Variants in NLGN4Y observed in about 807,000 individuals in gnomAD.
NLGN4Y encodes the protein neuroligin-4, Y-linked.
NLGN4Y carries 4 observed loss-of-function variants against 8.4 expected under a neutral mutation model. The ratio of observed to expected loss-of-function variants is 0.48; its 90% CI spans 0.23 to 1.09. NLGN4Y has a LOEUF of 1.09. NLGN4Y is among the 50% of genes least tolerant of loss of function. The probability of loss-of-function intolerance (pLI) is 0.19; values close to 1 mark genes in which losing one functional copy is unlikely to be tolerated. For synonymous variants in NLGN4Y, 35 were observed against 75.6 expected (o/e 0.46, Z 2.78); for missense variants, 90 against 192.3 (o/e 0.47, Z 3.15).
At chrY:14,666,337 C>A in intron 2 of NLGN4Y, among the ~76,000 whole-genome samples, 1 of 33,491 alleles carries the variant, frequency 3.0e-5, no homozygotes, top group African/African-American at 1.2e-4. Context: ...CTGAGTCTAC[C>A]AAAGTGCTGG....
chrY:14,746,042 G>A lies in NLGN4Y; in HGVS notation c.685+22773G>A, dbSNP rs755614418. Among the ~76,000 whole-genome samples the A allele has an allele frequency of 4.3e-4, 14 of 32,824 alleles. No individual in the cohort carries two copies. The South Asian group carries it at 7.6e-3, about 18-fold the overall frequency. 88.1% of individuals were successfully genotyped at this position (32,824 alleles called of 37,273 possible). A position where few individuals can be genotyped will look rare whatever the true frequency, so the allele number is the denominator to read the frequency against. ...GACAACTAGTCAATAAGAAATGAGT[G>A]TGAAGGTGACAACTTTCCTCACTAA... On this transcript the variant is annotated intron_variant, in intron 4 of 6. Transcript: ENST00000684976.
chrY:14,825,812 C>T (rs2043143567), intron 5 of NLGN4Y, among the ~76,000 whole-genome samples: 1 of 32,790 alleles, frequency 3.0e-5, no homozygotes, highest in Non-Finnish European at 7.4e-5. Flanking sequence ...AAGGGGAAAC[C>T]GCAGAAACAC....
At chrY:14,621,535 G>A in intron 1 of NLGN4Y, among the ~76,000 whole-genome samples, 6 of 33,664 alleles carry the variant, frequency 1.8e-4, no homozygotes, top group Admixed American at 1.6e-3. Flanking sequence ...ATTAAGAAAA[G>A]TGATGGACAC....
chrY:14,566,308 A>C, intron 1 of NLGN4Y, among the ~76,000 whole-genome samples: 1 of 33,100 alleles, frequency 3.0e-5, no homozygotes, highest in East Asian at 7.9e-4. Context: ...ATAGGCTCAA[A>C]ATAAAGGGAT....
Position 14,841,440 on chromosome Y carries a change from A to G in NLGN4Y, c.*178A>G. 5.5e-6 allele frequency: 1 copy of G among 182,224 alleles called. No individual in the cohort carries two copies. The allele number at this position is 182,224 out of a possible 400,897, so 45.5% of individuals were successfully genotyped here. A position where few individuals can be genotyped will look rare whatever the true frequency, so the allele number is the denominator to read the frequency against. The stretch of plus-strand genomic sequence containing the variant: ...ACCCTTCTCATTGGCATTTTCCAGT[A>G]TTGTGAGATCAATTTCTGACCATAT... On this transcript the variant is annotated 3_prime_UTR_variant, in exon 7 of 7. Transcript: ENST00000684976.
At chrY:14,631,157 C>G in intron 2 of NLGN4Y, among the ~76,000 whole-genome samples, 1 of 32,843 alleles carries the variant, frequency 3.0e-5, no homozygotes, top group African/African-American at 1.2e-4. Context: ...ACCTCTGCCT[C>G]CCAGGTTGAA....
At chrY:14,757,482 G>T (rs2081065295) in intron 4 of NLGN4Y, among the ~76,000 whole-genome samples, 1 of 32,811 alleles carries the variant, frequency 3.0e-5, no homozygotes, top group Non-Finnish European at 7.5e-5. Context: ...CTCTTTGTTT[G>T]TTTTTTGGTA....
intron 4 of NLGN4Y, among the ~76,000 whole-genome samples, chrY:14,785,587 A>T (rs2042959885): frequency 5.2e-4 from 17 of 32,421 alleles, no homozygotes; most frequent in African/African-American, 2.0e-3. Flanking sequence ...ACACGGTGAA[A>T]CCCCGTCTCT....
At chrY:14,679,872 G>C (rs763143471) in intron 2 of NLGN4Y, among the ~76,000 whole-genome samples, 1 of 33,389 alleles carries the variant, frequency 3.0e-5, no homozygotes, top group South Asian at 6.6e-4. Context: ...CAAACTATCT[G>C]TCACCTTTAT....
intron 2 of NLGN4Y, among the ~76,000 whole-genome samples, chrY:14,623,522 A>C: frequency 2.9e-5 from 1 of 34,089 alleles, no homozygotes; most frequent in Non-Finnish European, 7.3e-5. Flanking sequence ...CTAATGTAGA[A>C]ACTAGAGCTT....
chrY:14,540,777 C>T (rs2080147099), intron 1 of NLGN4Y, among the ~76,000 whole-genome samples: 1 of 33,461 alleles, frequency 3.0e-5, no homozygotes, highest in African/African-American at 1.2e-4. Flanking sequence ...ATAGCACATC[C>T]ACTCAGAGGC....
At chrY:14,810,425 A>T in intron 4 of NLGN4Y, among the ~76,000 whole-genome samples, 1 of 31,918 alleles carries the variant, frequency 3.1e-5, no homozygotes, top group Non-Finnish European at 7.6e-5. Flanking sequence ...GCTGCTCGGG[A>T]GGCTGAGGCA....
Position 14,622,443 on chromosome Y carries a change from T to C in NLGN4Y, c.324T>C (p.Ala108=). ...TGIRNATQFS[A]VCPQHLDERF... Reference sequence around the variant, plus strand: ...TCCGAAATGCTACTCAGTTTTCTGCTGTGTGCCCCCAGCACCTGGATGAAA... The same window carrying C: ...TCCGAAATGCTACTCAGTTTTCTGCCGTGTGCCCCCAGCACCTGGATGAAA... The change falls in exon 2 of 7, where the codon GCT becomes GCC. Residue 108 remains alanine (A), a synonymous_variant. Coordinates refer to ENST00000684976, the MANE Select transcript of NLGN4Y (RefSeq NM_001365588.1). 2.5e-6 allele frequency: 1 copy of C among 399,508 alleles called. No homozygotes were observed. Among genetic ancestry groups the C allele is most frequent in the East Asian group, 9.2e-5 (1 of 10,878 alleles).
chrY:14,657,896 T>C, intron 2 of NLGN4Y, among the ~76,000 whole-genome samples: 1 of 33,810 alleles, frequency 3.0e-5, no homozygotes, highest in Non-Finnish European at 7.3e-5. Context: ...AGATTTTGTG[T>C]TTGTTTTTAG....
chrY:14,743,301 C>T (rs2081013076), intron 4 of NLGN4Y, among the ~76,000 whole-genome samples: 1 of 31,757 alleles, frequency 3.1e-5, no homozygotes, highest in African/African-American at 1.2e-4. Context: ...TGAGTGGCCT[C>T]GCCAATGTAG....
At chrY:14,679,731 T>C (rs2080761782) in intron 2 of NLGN4Y, among the ~76,000 whole-genome samples, 1 of 33,101 alleles carries the variant, frequency 3.0e-5, no homozygotes, top group Non-Finnish European at 7.5e-5. Context: ...TATTGGGTAA[T>C]GATAGTAAGA....
At chrY:14,526,699 T>C in intron 1 of NLGN4Y, among the ~76,000 whole-genome samples, 1 of 32,978 alleles carries the variant, frequency 3.0e-5, no homozygotes, top group Non-Finnish European at 7.4e-5. Context: ...ATTTTTCTTT[T>C]CTTTGTGTTT....
chrY:14,786,455 T>G (rs775423174), intron 4 of NLGN4Y, among the ~76,000 whole-genome samples: 1 of 32,524 alleles, frequency 3.1e-5, no homozygotes, highest in East Asian at 8.0e-4. Flanking sequence ...ATCACCCAGG[T>G]ATTAAGCTGA....
At chrY:14,735,179 T>C (rs890976664) in intron 4 of NLGN4Y, among the ~76,000 whole-genome samples, 9 of 34,163 alleles carry the variant, frequency 2.6e-4, no homozygotes, top group African/African-American at 1.0e-3. Context: ...ATAGACACTT[T>C]TGTATGTCTA....
Sources: allele counts gnomAD v4.1 joint callset (sites outside exome capture counted in the v4.1 genomes callset), GRCh38; gene constraint gnomAD v4.1.1; transcripts MANE v1.5; gene names NCBI Gene and HGNC (gene_info 2026-07-23, HGNC 2026-07-21).